IL20RB: variants seen among roughly 807,000 people sequenced by gnomAD.
IL20RB encodes interleukin 20 receptor subunit beta.
A neutral mutation model predicts 33.3 loss-of-function variants in IL20RB; 21 were observed. The ratio of observed to expected loss-of-function variants is 0.63; its 90% CI spans 0.45 to 0.91. The LOEUF (loss-of-function observed/expected upper bound fraction) is 0.91. Among genes scored for constraint, IL20RB ranks in the 40% least tolerant of loss-of-function variants. The probability of loss-of-function intolerance (pLI) is 0.00; values close to 1 mark genes in which losing one functional copy is unlikely to be tolerated. For synonymous variants in IL20RB, 147 were observed against 146.8 expected (o/e 1.00, Z -0.01); for missense variants, 345 against 384.8 (o/e 0.90, Z 0.86).
chr3:136,971,076 C>T (rs1330785722), intron 1 of IL20RB, among the ~76,000 whole-genome samples: 1 of 152,124 alleles, frequency 6.6e-6, no homozygotes, highest in Non-Finnish European at 1.5e-5. Flanking sequence ...TTTTTGTTGA[C>T]TATAGATAAC....
intron 5 of IL20RB, among the ~76,000 whole-genome samples, chr3:136,992,856 C>T (rs1441755665): frequency 6.6e-6 from 1 of 152,126 alleles, no homozygotes; most frequent in African/African-American, 2.4e-5. Context: ...TGTGAGCCAC[C>T]ATGCTCAGCT....
At chr3:136,997,138 G>A (rs1040017806) in intron 6 of IL20RB, among the ~76,000 whole-genome samples, 4 of 149,726 alleles carry the variant, frequency 2.7e-5, no homozygotes, top group Admixed American at 1.3e-4. Flanking sequence ...CGCTGTCATC[G>A]CCCAGGCTGG....
intron 1 of IL20RB, among the ~76,000 whole-genome samples, chr3:136,966,578 CTT>C (rs1247694938): frequency 1.1e-5 from 1 of 88,830 alleles, no homozygotes; most frequent in Non-Finnish European, 2.2e-5. Context: ...CTATTTGATT[CTT>C]TTCTCTTTTT....
chr3:136,997,867 G>A (rs934343623), intron 6 of IL20RB, among the ~76,000 whole-genome samples: 6 of 151,534 alleles, frequency 4.0e-5, no homozygotes, highest in African/African-American at 1.5e-4. Flanking sequence ...TCTGCCTCCC[G>A]GGTTTAAGGA....
intron 6 of IL20RB, among the ~76,000 whole-genome samples, chr3:136,996,611 C>T (rs1253849468): frequency 6.6e-6 from 1 of 152,150 alleles, no homozygotes; most frequent in East Asian, 1.9e-4. Context: ...TCAGGACACC[C>T]CTCCACTCTG....
At chr3:136,981,950 TG>T (rs1941785603) in intron 2 of IL20RB, 1 of 386,558 alleles carries the variant, frequency 2.6e-6, no homozygotes, top group Non-Finnish European at 4.7e-6. Flanking sequence ...GACACATTGA[TG>T]TTTATGCCTA....
intron 1 of IL20RB, 41 bp from the exon 2 acceptor site, chr3:136,980,425 A>G: frequency 6.2e-7 from 1 of 1,613,802 alleles, no homozygotes; most frequent in South Asian, 1.1e-5. Context: ...TTCCCCCACT[A>G]TGAGCCCACC....
At chr3:136,974,388 T>G (rs1365351012) in intron 1 of IL20RB, among the ~76,000 whole-genome samples, 1 of 152,222 alleles carries the variant, frequency 6.6e-6, no homozygotes, top group Non-Finnish European at 1.5e-5. Flanking sequence ...CTTTGATTTA[T>G]GAAGGATGAT....
At chr3:136,987,936 C>T (rs1034857621) in intron 3 of IL20RB, among the ~76,000 whole-genome samples, 4 of 152,318 alleles carry the variant, frequency 2.6e-5, no homozygotes, top group Non-Finnish European at 2.9e-5. Context: ...CCGCAAGCGC[C>T]GCGTGCAGCC....
intron 3 of IL20RB, among the ~76,000 whole-genome samples, chr3:136,982,903 A>T (rs1389022022): frequency 2.0e-5 from 3 of 152,226 alleles, no homozygotes; most frequent in Admixed American, 6.5e-5. Flanking sequence ...TAGGTGGCCA[A>T]ATGTGGCTGA....
Position 136,966,565 on chromosome 3 carries a change from T to C in IL20RB, c.88+8364T>C, listed in dbSNP as rs1335522358. Among the ~76,000 whole-genome samples the C allele has an allele frequency of 8.8e-5, 8 of 91,108 alleles. 2 individuals carry two copies. The highest frequency in any genetic ancestry group is 1.3e-4 in the Non-Finnish European group (6 of 46,566). 59.8% of individuals were successfully genotyped at this position (91,108 alleles called of 152,430 possible). A position where few individuals can be genotyped will look rare whatever the true frequency, so the allele number is the denominator to read the frequency against. ...ATATCCCCTTTATCATTTTTTATTG[T>C]GTCTATTTGATTCTTTTCTCTTTTT... On this transcript the variant is annotated intron_variant, in intron 1 of 6. Coordinates refer to ENST00000329582, the MANE Select transcript of IL20RB (RefSeq NM_144717.4).
intron 1 of IL20RB, among the ~76,000 whole-genome samples, chr3:136,972,631 G>T (rs1333992039): frequency 2.6e-5 from 4 of 152,042 alleles, no homozygotes; most frequent in Admixed American, 2.0e-4. Flanking sequence ...TGTGGTATCA[G>T]TTGTGACATC....
chr3:136,958,134 T>C lies in IL20RB; in HGVS notation c.21T>C (p.Val7=), dbSNP rs2108165728. 1 of 1,609,582 alleles carries C rather than the reference T, an allele frequency of 6.2e-7. No individual in the cohort carries two copies. The highest frequency in any genetic ancestry group is 8.5e-7 in the Non-Finnish European group (1 of 1,175,920). ...ACCAAATGCAGACTTTCACAATGGT[T>C]CTAGAAGAAATCTGGACAAGTCTTT... MQTFTM[V]LEEIWTSLFM... The change falls in exon 1 of 7, where the codon GTT becomes GTC. Residue 7 remains valine, a synonymous_variant. Transcript: ENST00000329582.
intron 1 of IL20RB, among the ~76,000 whole-genome samples, chr3:136,963,226 G>A (rs915494393): frequency 1.3e-5 from 2 of 152,138 alleles, no homozygotes; most frequent in Non-Finnish European, 2.9e-5. Context: ...AAGGACATCT[G>A]GGCCGATTCC....
intron 6 of IL20RB, among the ~76,000 whole-genome samples, chr3:137,008,776 C>G (rs182360184): frequency 6.6e-6 from 1 of 151,638 alleles, no homozygotes; most frequent in Non-Finnish European, 1.5e-5. Flanking sequence ...TTTTAAGTGA[C>G]GTGTTAAAAT....
chr3:137,000,373 C>T (rs1398577458), intron 6 of IL20RB, among the ~76,000 whole-genome samples: 1 of 152,146 alleles, frequency 6.6e-6, no homozygotes, highest in Non-Finnish European at 1.5e-5. Flanking sequence ...TGGGATTTTT[C>T]CTCTTACTTT....
At chr3:137,002,585 G>T (rs1436092357) in intron 6 of IL20RB, among the ~76,000 whole-genome samples, 1 of 151,672 alleles carries the variant, frequency 6.6e-6, no homozygotes, top group African/African-American at 2.4e-5. Context: ...TTTGAGAAGT[G>T]TCTGTTCATA....
At chr3:136,987,447 T>C (rs906180104) in intron 3 of IL20RB, among the ~76,000 whole-genome samples, 2 of 152,126 alleles carry the variant, frequency 1.3e-5, no homozygotes, top group Non-Finnish European at 2.9e-5. Flanking sequence ...AGAGTGCCCA[T>C]TGGTGTATTT....
intron 6 of IL20RB, among the ~76,000 whole-genome samples, chr3:137,000,140 T>G (rs1458886867): frequency 6.6e-6 from 1 of 152,172 alleles, no homozygotes; most frequent in Non-Finnish European, 1.5e-5. Context: ...TATTGATTTT[T>G]TTTGTTTGTT....
Sources: gnomAD v4.1 joint callset for allele counts (sites outside exome capture counted in the v4.1 genomes callset) on GRCh38, gnomAD v4.1.1 for gene constraint, MANE v1.5 for transcripts, NCBI Gene and HGNC (gene_info 2026-07-23, HGNC 2026-07-21) for gene names.